RMST: variants seen among roughly 807,000 people sequenced by gnomAD.
RMST encodes the protein long intergenic non-protein coding RNA 54.
intron 9 of RMST, among the ~76,000 whole-genome samples, chr12:97,495,573 G>A (rs1287969698): frequency 6.6e-6 from 1 of 151,938 alleles, no homozygotes; most frequent in African/African-American, 2.4e-5. Flanking sequence ...CTGCTACCCT[G>A]TATACTATAC....
intron 5 of RMST, among the ~76,000 whole-genome samples, chr12:97,475,587 G>GTTT (rs58995040): frequency 0.032 from 4,557 of 140,958 alleles, 227 homozygotes; most frequent in African/African-American, 0.11. Flanking sequence ...CTTTTTTTTT[G>GTTT]TTTTTTTTTT....
chr12:97,521,430 A>T (rs1880497494), intron 10 of RMST, among the ~76,000 whole-genome samples: 1 of 152,164 alleles, frequency 6.6e-6, no homozygotes, highest in African/African-American at 2.4e-5. Flanking sequence ...TTATCCCAAC[A>T]TATATATGTA....
chr12:97,563,752 T>C (rs903747102), intron 13 of RMST: 46 of 469,660 alleles, frequency 9.8e-5, no homozygotes, highest in Non-Finnish European at 1.8e-4. Flanking sequence ...CGTGAAATGA[T>C]TGGTTAGCTT....
intron 10 of RMST, among the ~76,000 whole-genome samples, chr12:97,497,834 G>A (rs547292588): frequency 6.6e-5 from 10 of 152,218 alleles, no homozygotes; most frequent in South Asian, 4.1e-4. Context: ...TCACCCTTCC[G>A]CTACTGTGGT....
At chr12:97,550,074 A>G (rs1410944247) in intron 11 of RMST, among the ~76,000 whole-genome samples, 5 of 152,220 alleles carry the variant, frequency 3.3e-5, no homozygotes, top group African/African-American at 4.8e-5. Context: ...ATCAAATGGT[A>G]TCATTGGTGA....
chr12:97,553,835 GA>G (rs953029752), intron 11 of RMST, among the ~76,000 whole-genome samples: 5 of 146,874 alleles, frequency 3.4e-5, no homozygotes, highest in African/African-American at 7.5e-5. Flanking sequence ...ATATTTAATT[GA>G]AAAAAAAATC....
chr12:97,494,823 C>T (rs1877222053), exon 9 of RMST: 1 of 152,118 alleles, frequency 6.6e-6, no homozygotes, highest in Admixed American at 6.5e-5. Context: ...AAGGATGCTT[C>T]TGCATTATTA....
At chr12:97,544,777 G>T (rs1851496300) in intron 11 of RMST, among the ~76,000 whole-genome samples, 1 of 151,926 alleles carries the variant, frequency 6.6e-6, no homozygotes, top group African/African-American at 2.4e-5. Flanking sequence ...TCAGTCCAAT[G>T]AAATCCCATT....
intron 10 of RMST, among the ~76,000 whole-genome samples, chr12:97,516,264 ATTGTAAACCATGGCTCAGT>A (rs967195336): frequency 2.6e-5 from 4 of 152,046 alleles, no homozygotes; most frequent in Non-Finnish European, 5.9e-5. Flanking sequence ...GCTTGCTCAT[ATTGTAAACCATGGCTCAGT>A]TTGTAAACCA....
At chr12:97,525,123 G>A (rs972983845) in intron 10 of RMST, among the ~76,000 whole-genome samples, 81 of 152,162 alleles carry the variant, frequency 5.3e-4, no homozygotes, top group African/African-American at 1.8e-3. Context: ...TAGAATTGTA[G>A]AGAACATAGA....
chr12:97,514,510 A>C (rs1001337885), intron 10 of RMST, among the ~76,000 whole-genome samples: 7 of 152,192 alleles, frequency 4.6e-5, no homozygotes, highest in African/African-American at 1.7e-4. Context: ...TAATGCCCAA[A>C]TATTAATTTC....
chr12:97,560,463 A>T (rs887934319), intron 11 of RMST: 59 of 152,180 alleles, frequency 3.9e-4, no homozygotes, highest in African/African-American at 1.2e-3. Context: ...GGGGATTTTC[A>T]ATTTAAAAGA....
intron 5 of RMST, among the ~76,000 whole-genome samples, chr12:97,490,282 T>C (rs1876629909): frequency 6.6e-6 from 1 of 152,200 alleles, no homozygotes; most frequent in Non-Finnish European, 1.5e-5. Context: ...TCTCTATGCA[T>C]AATGATATGC....
intron 11 of RMST, among the ~76,000 whole-genome samples, chr12:97,552,784 G>C (rs760569280): frequency 1.3e-5 from 2 of 152,164 alleles, no homozygotes; most frequent in African/African-American, 4.8e-5. Context: ...CCAGCTACTT[G>C]TATTTCTCCT....
At chr12:97,526,147 C>T (rs958021161) in intron 10 of RMST, among the ~76,000 whole-genome samples, 1 of 151,978 alleles carries the variant, frequency 6.6e-6, no homozygotes, top group South Asian at 2.1e-4. Context: ...ATAAAGTGCA[C>T]AATAAATGTA....
At chr12:97,477,102 T>C (rs967806012) in intron 5 of RMST, among the ~76,000 whole-genome samples, 2 of 152,134 alleles carry the variant, frequency 1.3e-5, no homozygotes, top group Non-Finnish European at 2.9e-5. Context: ...GGTTAGATGA[T>C]GAGGGTACGG....
intron 10 of RMST, among the ~76,000 whole-genome samples, chr12:97,501,837 A>G (rs1322160599): frequency 6.6e-6 from 1 of 152,214 alleles, no homozygotes; most frequent in Non-Finnish European, 1.5e-5. Flanking sequence ...TAATAAATAG[A>G]TGACGCAAAA....
chr12:97,466,722 A>G (rs1200365278), intron 5 of RMST, among the ~76,000 whole-genome samples: 1 of 152,112 alleles, frequency 6.6e-6, no homozygotes. Context: ...TCCAAATACA[A>G]TGTTTTTATT....
chr12:97,563,072 G>A (rs1339191579), intron 13 of RMST, among the ~76,000 whole-genome samples: 2 of 152,164 alleles, frequency 1.3e-5, no homozygotes, highest in African/African-American at 2.4e-5. Flanking sequence ...TTTCAGCATG[G>A]CCACTTATAA....
Sources: allele counts gnomAD v4.1 joint callset (sites outside exome capture counted in the v4.1 genomes callset), GRCh38; gene constraint gnomAD v4.1.1; transcripts MANE v1.5; gene names NCBI Gene and HGNC (gene_info 2026-07-23, HGNC 2026-07-21).